Variants in FHDC1 observed in about 807,000 individuals in gnomAD.
FHDC1 encodes FH2 domain containing 1, also known as FH2 domain-containing protein 1.
In FHDC1, 25 loss-of-function variants were observed where a neutral mutation model predicts 52.6. The ratio of observed to expected loss-of-function variants is 0.48; its 90% CI spans 0.35 to 0.66. The LOEUF (loss-of-function observed/expected upper bound fraction) is 0.66, where lower values mean the gene tolerates loss of function less well. Among genes scored for constraint, FHDC1 ranks in the 30% least tolerant of loss-of-function variants. The pLI is 0.01. For missense variants in FHDC1, 1,459 were observed against 1,452.8 expected, an observed-to-expected ratio of 1.00 and a Z score of -0.07; for synonymous variants, 616 against 581.5, an observed-to-expected ratio of 1.06 and a Z score of -0.85.
At chr4:152,931,455 AACACACACACACAC>A (rs56142204), upstream of FHDC1, among the ~76,000 whole-genome samples, 12,350 of 127,226 alleles carry the variant, frequency 0.097, 763 homozygotes, top group African/African-American at 0.16. Context: ...CAGCCTCTAA[AACACACACACACAC>A]ACACACACAC....
Position 152,977,843 on chromosome 4 carries a change from T to C in FHDC1, c.*1120T>C, listed in dbSNP as rs1451097251. 6.6e-6 allele frequency: 1 copy of C among 152,252 alleles called. No homozygotes were observed. Among genetic ancestry groups the C allele is most frequent in the African/African-American group, 2.4e-5 (1 of 41,462 alleles). 9.4% of individuals were successfully genotyped at this position (152,252 alleles called of 1,614,324 possible). ...CCACACAGGGTCCGTTGCTGGCAACTGGACTTCCCCATAAGCCTTGGGTAT... is the reference window on the plus strand; with the variant it reads ...CCACACAGGGTCCGTTGCTGGCAACCGGACTTCCCCATAAGCCTTGGGTAT... On this transcript the variant is annotated 3_prime_UTR_variant, in exon 12 of 12. Coordinates refer to ENST00000511601, the MANE Select transcript of FHDC1 (RefSeq NM_001371116.1).
the FHDC1 span, among the ~76,000 whole-genome samples, chr4:152,919,579 T>G: frequency 6.6e-6 from 1 of 152,200 alleles, no homozygotes; most frequent in Non-Finnish European, 1.5e-5. Context: ...TAATACTTTC[T>G]TTTTCCCCAC....
chr4:152,972,272 A>G, intron 10 of FHDC1, 105 bp from the exon 11 acceptor site: 1 of 1,194,824 alleles, frequency 8.4e-7, no homozygotes, highest in African/African-American at 1.6e-5. Context: ...CCAAGACCTG[A>G]AATGAAACCC....
chr4:152,969,454 A>C lies in FHDC1; in HGVS notation c.1218+1357A>C, dbSNP rs1475034275. Among the ~76,000 whole-genome samples the C allele has an allele frequency of 2.0e-5, 3 of 152,230 alleles. No individual in the cohort carries two copies. The East Asian group carries it at 5.8e-4, about 29-fold the overall frequency. On this transcript the variant is annotated intron_variant, in intron 10 of 11. Transcript: ENST00000511601. ...GAACAGTAAACGAATGCATTAAACA[A>C]ATCCGGAAAATCAAGAATAAGGACC... is the stretch of plus-strand genomic sequence containing the variant.
At chr4:152,928,287 C>T in the FHDC1 span, 2 of 578,462 alleles carry the variant, frequency 3.5e-6, no homozygotes, top group Non-Finnish European at 6.2e-6. Context: ...CATTATGTCC[C>T]TCAAAAAAAA....
At position 152,975,035 on chromosome 4, in the gene FHDC1, A is replaced by G. The variant is rs899816395; in HGVS notation, c.1744A>G (p.Thr582Ala). Residue 582 changes from threonine (T) to alanine (A), a missense_variant, in exon 12 of 12, where the codon ACG (threonine) becomes GCG (alanine). This residue lies in a region of FHDC1 where 939 missense variants were observed against 854.5 expected (regional missense o/e 1.10). Transcript: ENST00000511601. ...GAGCAGCCCCCGGCAGGCCCGGCCC[A>G]CGATAGCCTGCCTGGAGCCTGCAGA... ...PRSSPRQARP[T>A]IACLEPAEVR... The G allele has an allele frequency of 6.2e-7, 1 of 1,612,480 alleles. No individual in the cohort carries two copies. The highest frequency in any genetic ancestry group is 8.5e-7 in the Non-Finnish European group (1 of 1,179,768).
Position 152,976,133 on chromosome 4 carries a change from G to A in FHDC1, c.2842G>A (p.Ala948Thr). The A allele has an allele frequency of 6.2e-7, 1 of 1,611,452 alleles. No homozygotes were observed. Among genetic ancestry groups the A allele is most frequent in the Non-Finnish European group, 8.5e-7 (1 of 1,179,174 alleles). The change falls in exon 12 of 12, where the codon GCC becomes ACC. Residue 948 changes from alanine (A) to threonine (T), a missense_variant. Ala to Thr is a moderately conservative substitution (Grantham distance 58). Coordinates refer to ENST00000511601, the MANE Select transcript of FHDC1 (RefSeq NM_001371116.1). ...GTCACGCCAGAACTCCGTGCGGAGG[G>A]CCTCCACAGGCGCCGAAGAGCAGAG... The part of the protein sequence containing the change: ...VWSRQNSVRR[A>T]STGAEEQRLP...
At chr4:152,956,620 G>A (rs1233096180) in intron 4 of FHDC1, among the ~76,000 whole-genome samples, 3 of 152,040 alleles carry the variant, frequency 2.0e-5, no homozygotes, top group Non-Finnish European at 4.4e-5. Flanking sequence ...TTGAATCCCC[G>A]AGACTCTGTC....
the FHDC1 span, chr4:152,912,402 G>A: frequency 6.6e-6 from 1 of 152,076 alleles, no homozygotes; most frequent in African/African-American, 2.4e-5. Flanking sequence ...TAATATACAA[G>A]CTCTATTTTG....
rs1443440497 is a variant in FHDC1 at position 152,953,594 on chromosome 4, T to C, written c.560+34T>C. 10 of 1,556,508 alleles carry C rather than the reference T, an allele frequency of 6.4e-6. No individual in the cohort carries two copies. In the South Asian group the frequency reaches 1.1e-4, roughly 17 times the overall value. ...TTGCACACATTTGAAACTTTAGTCA[T>C]ATCCCTGCTGTCAGCATCAAAGTCT... On this transcript the variant is annotated intron_variant, in intron 3 of 11. Coordinates refer to ENST00000511601, the MANE Select transcript of FHDC1 (RefSeq NM_001371116.1).
At chr4:152,952,273 G>A (rs1739949220) in intron 2 of FHDC1, among the ~76,000 whole-genome samples, 1 of 152,036 alleles carries the variant, frequency 6.6e-6, no homozygotes, top group African/African-American at 2.4e-5. Flanking sequence ...ATCAGGGTTG[G>A]GACTCAATCT....
At chr4:152,971,860 C>T (rs1740649072) in intron 10 of FHDC1, among the ~76,000 whole-genome samples, 1 of 152,132 alleles carries the variant, frequency 6.6e-6, no homozygotes. Flanking sequence ...GGTTTTGGTC[C>T]TGTGGGGGTG....
chr4:152,967,130 T>G (rs1178969194), intron 9 of FHDC1, among the ~76,000 whole-genome samples: 1 of 151,468 alleles, frequency 6.6e-6, no homozygotes, highest in African/African-American at 2.4e-5. Flanking sequence ...TAAATAATAA[T>G]AATAATAAAA....
intron 4 of FHDC1, among the ~76,000 whole-genome samples, chr4:152,956,884 C>T (rs1740101500): frequency 6.6e-6 from 1 of 152,332 alleles, no homozygotes; most frequent in African/African-American, 2.4e-5. Flanking sequence ...AGCAGGAACA[C>T]CCTGACAGTC....
the FHDC1 span, among the ~76,000 whole-genome samples, chr4:152,921,820 A>G: frequency 6.6e-6 from 1 of 152,314 alleles, no homozygotes; most frequent in East Asian, 1.9e-4. Context: ...ATAAATTTCG[A>G]CACAACATAC....
chr4:152,969,767 T>G (rs935004650), intron 10 of FHDC1, among the ~76,000 whole-genome samples: 3 of 151,414 alleles, frequency 2.0e-5, no homozygotes, highest in African/African-American at 7.3e-5. Flanking sequence ...CCTCCTGGGT[T>G]CAGGTGAGTC....
At chr4:152,920,148 A>T in the FHDC1 span, among the ~76,000 whole-genome samples, 2 of 152,052 alleles carry the variant, frequency 1.3e-5, no homozygotes, top group East Asian at 3.9e-4. Flanking sequence ...GGGTTTCACC[A>T]TATGGTCAGG....
Position 152,977,919 on chromosome 4 carries a change from C to G in FHDC1, c.*1196C>G, listed in dbSNP as rs766854196. On this transcript the variant is annotated 3_prime_UTR_variant, in exon 12 of 12. Coordinates refer to ENST00000511601, the MANE Select transcript of FHDC1 (RefSeq NM_001371116.1). The stretch of plus-strand genomic sequence containing the variant: ...AGATTGTCTGGCTTGCCCACTTCTC[C>G]GTGCATGACTCTGGGTGTGAGTCTG... 1 of 152,238 alleles carries G rather than the reference C, an allele frequency of 6.6e-6. No homozygotes were observed. Among genetic ancestry groups the G allele is most frequent in the Non-Finnish European group, 1.5e-5 (1 of 68,076 alleles). The allele number at this position is 152,238 out of a possible 1,614,324, so 9.4% of individuals were successfully genotyped here.
chr4:152,974,615 T>C, intron 11 of FHDC1, 60 bp from the exon 12 acceptor site: 1 of 1,491,832 alleles, frequency 6.7e-7, no homozygotes, highest in South Asian at 1.5e-5. Flanking sequence ...TAGGTGGCTC[T>C]GGAACTGCAC....
Sources: gnomAD v4.1 joint callset for allele counts (sites outside exome capture counted in the v4.1 genomes callset) on GRCh38, gnomAD v4.1.1 for gene constraint, gnomAD v4.1.1 regional missense constraint, MANE v1.5 for transcripts, NCBI Gene and HGNC (gene_info 2026-07-23, HGNC 2026-07-21) for gene names.